RABEP1: variants seen among roughly 807,000 people sequenced by gnomAD.
The protein encoded by RABEP1 is rabaptin, RAB GTPase binding effector protein 1.
RABEP1 carries 51 observed loss-of-function variants against 123.4 expected under a neutral mutation model. The ratio of observed to expected loss-of-function variants is 0.41; its 90% CI spans 0.33 to 0.52. RABEP1 has a LOEUF of 0.52. Ranked by LOEUF, RABEP1 falls within the 20% of genes least tolerant of loss-of-function variation. RABEP1 has a pLI of 0.16. For synonymous variants in RABEP1, 347 were observed against 355.2 expected (o/e 0.98, Z 0.26); for missense variants, 888 against 996.3 (o/e 0.89, Z 1.46).
chr17:5,303,788 T>C (rs759960946), intron 1 of RABEP1, among the ~76,000 whole-genome samples: 1 of 152,164 alleles, frequency 6.6e-6, no homozygotes, highest in Non-Finnish European at 1.5e-5. Flanking sequence ...ATCCCAGCAC[T>C]TTGGGAGGCC....
At chr17:5,287,844 C>T (rs888963021) in intron 1 of RABEP1, among the ~76,000 whole-genome samples, 4 of 151,604 alleles carry the variant, frequency 2.6e-5, no homozygotes, top group South Asian at 4.2e-4. Flanking sequence ...CCTGGGAGGT[C>T]GAGGCTGCAG....
chr17:5,377,415 T>A, intron 14 of RABEP1, 110 bp downstream of exon 14: 8 of 700,398 alleles, frequency 1.1e-5, no homozygotes, highest in African/African-American at 1.9e-5. Context: ...TAGGAAAGAA[T>A]TTAGTAAGGA....
chr17:5,328,395 A>G lies in RABEP1; in HGVS notation c.164-3554A>G, dbSNP rs140159663. Among the ~76,000 whole-genome samples, 288 of 152,260 alleles carry G rather than the reference A, an allele frequency of 1.9e-3. 6 individuals carry two copies. The East Asian group carries it at 0.028, about 15-fold the overall frequency. On this transcript the variant is annotated intron_variant, in intron 2 of 17. Transcript: ENST00000537505. ...CGTAGTAGCTCATGCCTGTAATCCC[A>G]GCACTTTGGGAGGCTGAGGTGGGCA...
At chr17:5,294,026 T>C (rs998413848) in intron 1 of RABEP1, among the ~76,000 whole-genome samples, 2 of 152,062 alleles carry the variant, frequency 1.3e-5, no homozygotes, top group Admixed American at 1.3e-4. Context: ...ACTAAGAAAA[T>C]GCAAAAAAAG....
chr17:5,367,711 G>T (rs1466586844), intron 11 of RABEP1, among the ~76,000 whole-genome samples: 2 of 149,880 alleles, frequency 1.3e-5, no homozygotes, highest in African/African-American at 2.4e-5. Flanking sequence ...CCTTTTTTTT[G>T]TGCTAAATTC....
At chr17:5,381,087 C>T (rs958753395) in intron 16 of RABEP1, among the ~76,000 whole-genome samples, 2 of 152,026 alleles carry the variant, frequency 1.3e-5, no homozygotes, top group Non-Finnish European at 2.9e-5. Flanking sequence ...TGACAGACAC[C>T]GATCTTAGCA....
chr17:5,285,403 A>G (rs1458758959), intron 1 of RABEP1, among the ~76,000 whole-genome samples: 4 of 149,098 alleles, frequency 2.7e-5, no homozygotes, highest in African/African-American at 7.5e-5. Flanking sequence ...CAGTGTTGGG[A>G]TTACAGGCAT....
At chr17:5,367,360 C>CACT in intron 11 of RABEP1, among the ~76,000 whole-genome samples, 1 of 151,684 alleles carries the variant, frequency 6.6e-6, no homozygotes, top group Admixed American at 6.6e-5. Flanking sequence ...CAACGTCTGC[C>CACT]TCCCAGGTTC....
intron 12 of RABEP1, among the ~76,000 whole-genome samples, 166 bp downstream of exon 12, chr17:5,368,634 A>G (rs974824753): frequency 6.6e-6 from 1 of 152,192 alleles, no homozygotes; most frequent in Non-Finnish European, 1.5e-5. Flanking sequence ...TTGTAAAGAC[A>G]TTATTCCTTT....
At chr17:5,360,565 A>G (rs1909425269) in intron 8 of RABEP1, among the ~76,000 whole-genome samples, 1 of 152,214 alleles carries the variant, frequency 6.6e-6, no homozygotes, top group Admixed American at 6.5e-5. Context: ...CCGTCTCAGA[A>G]AAAAAGAAAA....
At chr17:5,335,102 A>C in intron 3 of RABEP1, 82 bp from the exon 4 acceptor site, 1 of 1,224,958 alleles carries the variant, frequency 8.2e-7, no homozygotes, top group South Asian at 1.7e-5. Flanking sequence ...TAAGCTTTTT[A>C]TATAACTTTA....
At chr17:5,380,974 G>T (rs1006404481) in intron 16 of RABEP1, among the ~76,000 whole-genome samples, 1 of 152,212 alleles carries the variant, frequency 6.6e-6, no homozygotes, top group African/African-American at 2.4e-5. Context: ...CTGGTTTTCT[G>T]TAAGAGAGAC....
intron 9 of RABEP1, chr17:5,362,067 T>C: frequency 5.9e-6 from 1 of 169,432 alleles, no homozygotes; most frequent in Non-Finnish European, 1.3e-5. Context: ...AAAAGCGCAA[T>C]TGCCGGTCTG....
intron 13 of RABEP1, among the ~76,000 whole-genome samples, chr17:5,374,226 C>G (rs996251754): frequency 1.4e-5 from 2 of 147,884 alleles, no homozygotes; most frequent in African/African-American, 5.1e-5. Flanking sequence ...GCCACCATGC[C>G]CAGCTAATTT....
intron 8 of RABEP1, among the ~76,000 whole-genome samples, chr17:5,358,237 G>A (rs1909194484): frequency 6.7e-6 from 1 of 149,484 alleles, no homozygotes; most frequent in Non-Finnish European, 1.5e-5. Flanking sequence ...TGATAGTCAA[G>A]TTGGTTCCAT....
At chr17:5,359,155 G>C (rs1274924854) in intron 8 of RABEP1, among the ~76,000 whole-genome samples, 1 of 150,124 alleles carries the variant, frequency 6.7e-6, no homozygotes, top group African/African-American at 2.5e-5. Flanking sequence ...CTCACTGCAA[G>C]CTCCGCCTCC....
At chr17:5,321,144 T>C (rs2075351531) in intron 2 of RABEP1, among the ~76,000 whole-genome samples, 1 of 151,892 alleles carries the variant, frequency 6.6e-6, no homozygotes, top group Admixed American at 6.6e-5. Context: ...ACCCTGGCTC[T>C]ACAAAAAATA....
At chr17:5,375,677 G>A (rs966865072) in intron 13 of RABEP1, among the ~76,000 whole-genome samples, 1 of 151,560 alleles carries the variant, frequency 6.6e-6, no homozygotes, top group African/African-American at 2.4e-5. Context: ...CTGCCCTCCA[G>A]CCTGGGAGAC....
rs76311867 is a variant in RABEP1, at chr17:5,374,505, T to C, written c.2025+1051T>C. On this transcript the variant is annotated intron_variant, in intron 13 of 17. Coordinates refer to ENST00000537505, the MANE Select transcript of RABEP1 (RefSeq NM_004703.6). ...AGGCTGGAGTGCAGTGGTGTGATCT[T>C]GGCTCACTGCAACCTCCGCCTCCTG... is the stretch of plus-strand genomic sequence containing the variant. 6.7e-5 allele frequency among the ~76,000 whole-genome samples: 10 copies of C among 149,278 alleles called. 1 individual carries two copies. In the East Asian group the frequency reaches 1.4e-3, roughly 21 times the overall value.
Sources: allele counts gnomAD v4.1 joint callset (sites outside exome capture counted in the v4.1 genomes callset), GRCh38; gene constraint gnomAD v4.1.1; transcripts MANE v1.5; gene names NCBI Gene and HGNC (gene_info 2026-07-23, HGNC 2026-07-21).